Variants in SGCZ observed in about 807,000 individuals in gnomAD.
SGCZ encodes the protein sarcoglycan zeta, also known as zeta-sarcoglycan.
Under a neutral mutation model 41.3 loss-of-function variants are expected in SGCZ, and 40 were observed. That is an observed-to-expected ratio of 0.97 (90% CI 0.75 to 1.26). The LOEUF is 1.26. Among genes scored for constraint, SGCZ ranks in the 50% most tolerant of loss-of-function variants. The pLI is 0.00. For synonymous variants in SGCZ, 206 were observed against 137.5 expected (o/e 1.50, Z -3.49); for missense variants, 552 against 369.8 (o/e 1.49, Z -4.04).
rs1248656708 is a variant in SGCZ, at chr8:14,325,743, CACACATATATATATATATATATATAT to C, written c.235-1565_235-1540del. Among the ~76,000 whole-genome samples, 170 of 66,858 alleles carry C rather than the reference CACACATATATATATATATATATATAT, an allele frequency of 2.5e-3. 1 individual carries two copies. Among genetic ancestry groups the C allele is most frequent in the African/African-American group, 0.012 (165 of 14,110 alleles). 43.9% of individuals were successfully genotyped at this position (66,858 alleles called of 152,430 possible). A position where few individuals can be genotyped will look rare whatever the true frequency, so the allele number is the denominator to read the frequency against. On this transcript the variant is annotated intron_variant, in intron 2 of 7. Transcript: ENST00000382080. ...ATACACACACACACACACACACACA[CACACATATATATATATATATATATAT>C]ATATATATATATATATATATATATC...
chr8:14,311,117 T>C (rs187757179), intron 3 of SGCZ, among the ~76,000 whole-genome samples: 9 of 152,220 alleles, frequency 5.9e-5, no homozygotes, highest in Admixed American at 5.9e-4. Flanking sequence ...TGAATTCCAA[T>C]CCAACCATTC....
At chr8:14,884,898 G>C (rs1282883721) in intron 1 of SGCZ, among the ~76,000 whole-genome samples, 1 of 152,008 alleles carries the variant, frequency 6.6e-6, no homozygotes, top group East Asian at 1.9e-4. Context: ...TCCAAGTGTA[G>C]ACAGGCAGAC....
intron 2 of SGCZ, among the ~76,000 whole-genome samples, chr8:14,389,471 G>A (rs1156738326): frequency 1.4e-4 from 19 of 140,586 alleles, no homozygotes; most frequent in African/African-American, 5.2e-4. Context: ...AAACTAACCT[G>A]ACAGGAAAAA....
chr8:14,983,173 C>A (rs1801723617), intron 1 of SGCZ, among the ~76,000 whole-genome samples: 1 of 132,292 alleles, frequency 7.6e-6, no homozygotes, highest in Non-Finnish European at 1.6e-5. Flanking sequence ...TGCTGTCACT[C>A]CTTTTTTTTT....
chr8:14,557,298 G>A (rs945981563), intron 1 of SGCZ, among the ~76,000 whole-genome samples: 2 of 148,708 alleles, frequency 1.3e-5, no homozygotes, highest in Admixed American at 1.3e-4. Flanking sequence ...TTGCTACTTT[G>A]TTTGAGTTCC....
At chr8:14,722,796 G>C (rs989341353) in intron 1 of SGCZ, among the ~76,000 whole-genome samples, 2 of 152,128 alleles carry the variant, frequency 1.3e-5, no homozygotes, top group Admixed American at 6.5e-5. Context: ...TCCTGTGTAT[G>C]TATATGCATA....
intron 2 of SGCZ, among the ~76,000 whole-genome samples, chr8:14,426,527 A>G (rs895253437): frequency 6.6e-6 from 1 of 152,122 alleles, no homozygotes; most frequent in African/African-American, 2.4e-5. Flanking sequence ...GTCAGTTATG[A>G]CCAGGAGAGA....
intron 1 of SGCZ, among the ~76,000 whole-genome samples, chr8:14,578,929 A>G (rs1256890449): frequency 6.6e-6 from 1 of 151,844 alleles, no homozygotes; most frequent in African/African-American, 2.4e-5. Flanking sequence ...CTCTTTTCCT[A>G]CTCTTCTGTC....
intron 2 of SGCZ, among the ~76,000 whole-genome samples, chr8:14,457,948 A>C (rs1800796522): frequency 6.6e-6 from 1 of 151,834 alleles, no homozygotes; most frequent in South Asian, 2.1e-4. Flanking sequence ...TTGTGTCTTT[A>C]TTTCTACACT....
chr8:15,024,358 A>C (rs1184324953), intron 1 of SGCZ, among the ~76,000 whole-genome samples: 1 of 152,180 alleles, frequency 6.6e-6, no homozygotes, highest in East Asian at 1.9e-4. Context: ...TTGAGGAGAC[A>C]CTGCTAACAT....
chr8:14,185,995 G>T (rs931910555), intron 4 of SGCZ, among the ~76,000 whole-genome samples: 3 of 152,148 alleles, frequency 2.0e-5, no homozygotes, highest in African/African-American at 7.2e-5. Context: ...AATAGGCATT[G>T]GATGTTAGTT....
At chr8:15,148,488 A>T (rs1370616173) in intron 1 of SGCZ, among the ~76,000 whole-genome samples, 1 of 152,190 alleles carries the variant, frequency 6.6e-6, no homozygotes, top group African/African-American at 2.4e-5. Context: ...TTAATTAGCA[A>T]ATCGAAGGTT....
intron 1 of SGCZ, among the ~76,000 whole-genome samples, chr8:14,861,839 A>G (rs1803759304): frequency 6.6e-6 from 1 of 152,040 alleles, no homozygotes; most frequent in Admixed American, 6.6e-5. Context: ...CTTTGGTGAA[A>G]GCTGTAATAA....
At chr8:14,661,904 T>G (rs1807763486) in intron 1 of SGCZ, among the ~76,000 whole-genome samples, 1 of 152,124 alleles carries the variant, frequency 6.6e-6, no homozygotes, top group African/African-American at 2.4e-5. Context: ...CAATGGGGTA[T>G]CTTGATAATT....
intron 1 of SGCZ, among the ~76,000 whole-genome samples, chr8:14,764,177 T>A (rs1230784040): frequency 6.6e-6 from 1 of 152,168 alleles, no homozygotes; most frequent in Non-Finnish European, 1.5e-5. Context: ...GACTGAGATT[T>A]TTGTAAAAAA....
At chr8:15,124,082 T>C (rs1309676441) in intron 1 of SGCZ, among the ~76,000 whole-genome samples, 2 of 152,160 alleles carry the variant, frequency 1.3e-5, no homozygotes, top group Non-Finnish European at 2.9e-5. Context: ...AAAATCTTCA[T>C]TAAATTTGTA....
At chr8:15,174,597 T>G (rs1799942991) in intron 1 of SGCZ, among the ~76,000 whole-genome samples, 1 of 152,190 alleles carries the variant, frequency 6.6e-6, no homozygotes. Flanking sequence ...ATGTTTAACT[T>G]TACAAGATGG....
chr8:14,614,767 T>C (rs1806040613), intron 1 of SGCZ, among the ~76,000 whole-genome samples: 1 of 152,048 alleles, frequency 6.6e-6, no homozygotes, highest in Admixed American at 6.6e-5. Flanking sequence ...AGAGTTAACA[T>C]AAGTGGTGGG....
At chr8:14,989,855 T>C (rs550290025) in intron 1 of SGCZ, among the ~76,000 whole-genome samples, 1 of 152,340 alleles carries the variant, frequency 6.6e-6, no homozygotes, top group African/African-American at 2.4e-5. Context: ...CCTGGAATTC[T>C]GGATGAACAA....
Sources: gnomAD v4.1 joint callset for allele counts (sites outside exome capture counted in the v4.1 genomes callset) on GRCh38, gnomAD v4.1.1 for gene constraint, MANE v1.5 for transcripts, NCBI Gene and HGNC (gene_info 2026-07-23, HGNC 2026-07-21) for gene names.